HERC1: variants seen among roughly 807,000 people sequenced by gnomAD.
HERC1 encodes the protein HECT and RLD domain containing E3 ubiquitin protein ligase family member 1.
In HERC1, 160 loss-of-function variants were observed where a neutral mutation model predicts 554.3. The observed-to-expected ratio is 0.29, with a 90% CI of 0.25 to 0.33. The LOEUF is 0.33. Ranked by LOEUF, HERC1 falls within the 10% of genes least tolerant of loss-of-function variation. The pLI, the probability that HERC1 is intolerant of heterozygous loss-of-function variation, is 1.00. For missense variants in HERC1, 4,919 were observed against 5,918.5 expected (o/e 0.83, Z 5.54); for synonymous variants, 2,175 against 2,131.7 (o/e 1.02, Z -0.56).
At chr15:63,779,260 AG>A (rs1439780119) in intron 1 of HERC1, among the ~76,000 whole-genome samples, 1 of 152,142 alleles carries the variant, frequency 6.6e-6, no homozygotes. Flanking sequence ...TCAATATACA[AG>A]GTACTTGAGA....
chr15:63,700,530 A>G (rs1048189557), intron 25 of HERC1, among the ~76,000 whole-genome samples: 2 of 152,034 alleles, frequency 1.3e-5, no homozygotes, highest in African/African-American at 4.8e-5. Flanking sequence ...CGTAACACGG[A>G]GCTAATATTA....
intron 1 of HERC1, among the ~76,000 whole-genome samples, chr15:63,790,966 G>A (rs74019017): frequency 6.6e-6 from 1 of 152,122 alleles, no homozygotes; most frequent in East Asian, 1.9e-4. Flanking sequence ...TAGAAGGCTT[G>A]TTTTTACGAA....
chr15:63,709,335 T>C (rs548691505), intron 24 of HERC1, among the ~76,000 whole-genome samples: 111 of 152,226 alleles, frequency 7.3e-4, no homozygotes, highest in Admixed American at 1.4e-3. Flanking sequence ...ATGGGTTTTT[T>C]TTTAGTCTTT....
At chr15:63,769,134 C>T (rs1184947841) in intron 2 of HERC1, among the ~76,000 whole-genome samples, 1 of 152,148 alleles carries the variant, frequency 6.6e-6, no homozygotes, top group Non-Finnish European at 1.5e-5. Context: ...TCATTCTACA[C>T]AGGCCGGGCA....
chr15:63,641,537 G>C lies in HERC1; in HGVS notation c.11540C>G (p.Ala3847Gly), dbSNP rs1344722063. The C allele has an allele frequency of 1.2e-6, 2 of 1,613,090 alleles. No individual in the cohort carries two copies. The highest frequency in any genetic ancestry group is 2.7e-5 in the African/African-American group (2 of 74,926). Residue 3847 changes from alanine to glycine, a missense_variant, in exon 60 of 78, where the codon GCT becomes GGT. Ala to Gly is a moderately conservative substitution (Grantham distance 60). Transcript: ENST00000443617. The part of the protein sequence containing the change: ...KQQGVLGLNM[A>G]PCMRAFLERL... ...CTCCAAAAATGCTCTCATGCAGGGA[G>C]CCATGTTCAATCCCAGAACACCCTG...
At chr15:63,774,529 C>T (rs1473324730) in intron 2 of HERC1, among the ~76,000 whole-genome samples, 165 bp downstream of exon 2, 1 of 152,172 alleles carries the variant, frequency 6.6e-6, no homozygotes, top group Admixed American at 6.5e-5. Context: ...CATATATTAT[C>T]AACATGCATA....
At chr15:63,699,255 C>T (rs538692174) in intron 25 of HERC1, among the ~76,000 whole-genome samples, 23 of 152,180 alleles carry the variant, frequency 1.5e-4, no homozygotes, top group Non-Finnish European at 2.8e-4. Context: ...TTTAGCAACA[C>T]GCTGCCACAA....
intron 3 of HERC1, among the ~76,000 whole-genome samples, chr15:63,761,167 T>C (rs1265844632): frequency 6.6e-6 from 1 of 152,214 alleles, no homozygotes; most frequent in Non-Finnish European, 1.5e-5. Context: ...GAGTCTTTAT[T>C]GAGAAATCTA....
intron 26 of HERC1, among the ~76,000 whole-genome samples, chr15:63,698,473 C>T (rs916587168): frequency 3.3e-5 from 5 of 151,292 alleles, no homozygotes; most frequent in African/African-American, 1.2e-4. Context: ...CTAGTCTCAC[C>T]CTAGTTTGTA....
intron 67 of HERC1, 50 bp downstream of exon 67, chr15:63,633,798 A>G (rs756770625): frequency 3.8e-6 from 6 of 1,577,354 alleles, no homozygotes; most frequent in Non-Finnish European, 5.2e-6. Context: ...ACTGACATAG[A>G]TGAAAACTAT....
rs1478797779 is a variant in HERC1, at chr15:63,644,919, C to G, written c.11184+73G>C. ...GATATAGTAATGACTTTTTTAGTAA[C>G]CAAGGGAGAATGACTCTGATGTCAT... On this transcript the variant is annotated intron_variant, in intron 57 of 77. Coordinates refer to ENST00000443617, the MANE Select transcript of HERC1 (RefSeq NM_003922.4). 4.3e-6 allele frequency: 5 copies of G among 1,163,880 alleles called. No homozygotes were observed. In the African/African-American group the frequency reaches 7.6e-5, roughly 18 times the overall value. The allele number at this position is 1,163,880 out of a possible 1,614,324, so 72.1% of individuals were successfully genotyped here.
chr15:63,678,042 G>A lies in HERC1; in HGVS notation c.6873C>T (p.Leu2291=), dbSNP rs2071293537. ...AAAGAGTCCTCAGCTGCAGCTCTGA[G>A]AGGTCAGCGAGGCCATGCCTAGTAT... ...GKHTRHGLAD[L]SELQLRTLCI... The change falls in exon 37 of 78, where the codon CTC becomes CTT. Residue 2291 remains leucine (L), a synonymous_variant. Coordinates refer to ENST00000443617, the MANE Select transcript of HERC1 (RefSeq NM_003922.4). 3 of 1,613,872 alleles carry A rather than the reference G, an allele frequency of 1.9e-6. No homozygotes were observed. Among genetic ancestry groups the A allele is most frequent in the East Asian group, 4.5e-5 (2 of 44,894 alleles).
At chr15:63,830,885 G>A (rs2078129116) in intron 1 of HERC1, among the ~76,000 whole-genome samples, 1 of 152,000 alleles carries the variant, frequency 6.6e-6, no homozygotes, top group Non-Finnish European at 1.5e-5. Flanking sequence ...AATCGGATCT[G>A]GCATCTAGTA....
chr15:63,620,048 T>C (rs2152747313), intron 74 of HERC1, among the ~76,000 whole-genome samples: 1 of 152,332 alleles, frequency 6.6e-6, no homozygotes, highest in Non-Finnish European at 1.5e-5. Flanking sequence ...TTTGAATGTG[T>C]TTGCTCTTGC....
At position 63,615,776 on chromosome 15, in the gene HERC1, C is replaced by T; in HGVS notation, c.14086G>A (p.Asp4696Asn). The T allele has an allele frequency of 6.3e-7, 1 of 1,591,034 alleles. No individual in the cohort carries two copies. The highest frequency in any genetic ancestry group is 8.5e-7 in the Non-Finnish European group (1 of 1,171,436). ...RAIEYRLHEM[D>N]RQVAAVREGM... ...GAGATGTTTCATCTCACCTGTCTGT[C>T]CATCTCATGAAGTCGATATTCAATG... The change falls in exon 76 of 78, where the codon GAC (aspartate) becomes AAC (asparagine). Residue 4696 changes from aspartate to asparagine, a missense_variant. Transcript: ENST00000443617.
In HERC1 at chr15:63,806,119, T is replaced by G. The variant is rs373301641; in HGVS notation, c.-27+27708A>C. 4.6e-5 allele frequency among the ~76,000 whole-genome samples: 7 copies of G among 152,036 alleles called. No homozygotes were observed. The South Asian group carries it at 1.5e-3, about 32-fold the overall frequency. ...AAGCTTAACTCATCATCACTACAGA[T>G]ACCTCCCAAATCACCTCTGATGAGC... is the stretch of plus-strand genomic sequence containing the variant. On this transcript the variant is annotated intron_variant, in intron 1 of 77. Transcript: ENST00000443617.
chr15:63,609,240 C>T lies in HERC1; in HGVS notation c.14427G>A (p.Gln4809=), dbSNP rs772019706. 1 of 1,613,114 alleles carries T rather than the reference C, an allele frequency of 6.2e-7. No individual in the cohort carries two copies. Among genetic ancestry groups the T allele is most frequent in the East Asian group, 2.2e-5 (1 of 44,874 alleles). Residue 4809 remains glutamine (Q), a synonymous_variant, in exon 78 of 78, where the codon CAG becomes CAA. Coordinates refer to ENST00000443617, the MANE Select transcript of HERC1 (RefSeq NM_003922.4). ...GCAGCCTCAGCTGGAAGAAGCAGGT[C>T]TGTGAGGTAGGCAGACTGTCGTAAG... is the stretch of plus-strand genomic sequence containing the variant. The part of the protein sequence containing the change: ...DRPYDSLPTS[Q]TCFFQLRLPP...
At chr15:63,742,971 TA>T (rs2074872686) in intron 12 of HERC1, among the ~76,000 whole-genome samples, 1 of 152,196 alleles carries the variant, frequency 6.6e-6, no homozygotes, top group Non-Finnish European at 1.5e-5. Flanking sequence ...GGTCCACAAT[TA>T]GGGTAATACT....
chr15:63,613,039 C>A (rs1055894831), intron 76 of HERC1, among the ~76,000 whole-genome samples: 4 of 152,020 alleles, frequency 2.6e-5, no homozygotes, highest in Non-Finnish European at 5.9e-5. Context: ...ATTATTTGTG[C>A]TCATCGTAAA....
Sources: gnomAD v4.1 joint callset for allele counts (sites outside exome capture counted in the v4.1 genomes callset) on GRCh38, gnomAD v4.1.1 for gene constraint, MANE v1.5 for transcripts, NCBI Gene and HGNC (gene_info 2026-07-23, HGNC 2026-07-21) for gene names.